The following KCNIP4 variants were observed in gnomAD, a reference collection of about 807,000 sequenced individuals.
The protein encoded by KCNIP4 is potassium voltage-gated channel interacting protein 4, also known as Kv channel-interacting protein 4.
KCNIP4 carries 12 observed loss-of-function variants against 34.0 expected under a neutral mutation model. That is an observed-to-expected ratio of 0.35 (90% confidence interval 0.23 to 0.57). KCNIP4 has a LOEUF of 0.57. Ranked by LOEUF, KCNIP4 falls within the 20% of genes least tolerant of loss-of-function variation. KCNIP4 has a pLI of 0.83. For missense variants in KCNIP4, 238 were observed against 311.7 expected (o/e 0.76, Z 1.78); for synonymous variants, 124 against 102.2 (o/e 1.21, Z -1.29).
At chr4:21,296,258 A>AC (rs1221657946) in intron 1 of KCNIP4, among the ~76,000 whole-genome samples, 3 of 152,076 alleles carry the variant, frequency 2.0e-5, no homozygotes, top group Non-Finnish European at 4.4e-5. Flanking sequence ...TGCATTAGTA[A>AC]CCATGCTTTG....
At chr4:21,859,171 CA>C (rs1278895697) in intron 1 of KCNIP4, among the ~76,000 whole-genome samples, 1 of 152,152 alleles carries the variant, frequency 6.6e-6, no homozygotes, top group East Asian at 1.9e-4. Flanking sequence ...CAACTTGCCA[CA>C]AGTTGCTGAA....
At chr4:21,228,125 G>A (rs1449455938) in intron 1 of KCNIP4, among the ~76,000 whole-genome samples, 1 of 152,076 alleles carries the variant, frequency 6.6e-6, no homozygotes, top group Non-Finnish European at 1.5e-5. Context: ...ATGTGATTTG[G>A]CTCTGTGTCA....
chr4:21,327,720 T>C (rs1338742081), intron 1 of KCNIP4, among the ~76,000 whole-genome samples: 1 of 152,048 alleles, frequency 6.6e-6, no homozygotes, highest in African/African-American at 2.4e-5. Context: ...CACGTAGGCA[T>C]CCTTTGTTCT....
chr4:20,839,149 A>T (rs1388324), intron 3 of KCNIP4, among the ~76,000 whole-genome samples: 101,293 of 151,832 alleles, frequency 0.67, 34,461 homozygotes, highest in South Asian at 0.8. Flanking sequence ...AACTTTTTTT[A>T]GGGAGGTGAC....
chr4:20,924,076 T>C (rs181662050), intron 1 of KCNIP4, among the ~76,000 whole-genome samples: 2 of 152,334 alleles, frequency 1.3e-5, no homozygotes, highest in Admixed American at 1.3e-4. Context: ...CAGGGATATA[T>C]TAAAATGACT....
intron 1 of KCNIP4, among the ~76,000 whole-genome samples, chr4:21,818,037 C>T (rs908363828): frequency 6.6e-6 from 1 of 152,130 alleles, no homozygotes; most frequent in Non-Finnish European, 1.5e-5. Context: ...TGTACCTACT[C>T]CCTGTTCTTA....
chr4:21,048,470 G>T lies in KCNIP4; in HGVS notation c.62-165761C>A, dbSNP rs1056628542. On this transcript the variant is annotated intron_variant, in intron 1 of 8. Transcript: ENST00000382152. Reference sequence around the variant, plus strand: ...AGATGAGCATATGTACATTTGTTACGCACTATCTCTGTCACATTACCTCAC... The same window carrying T: ...AGATGAGCATATGTACATTTGTTACTCACTATCTCTGTCACATTACCTCAC... Among the ~76,000 whole-genome samples, 10 of 152,090 alleles carry T rather than the reference G, an allele frequency of 6.6e-5. No homozygotes were observed. The East Asian group carries it at 1.9e-3, about 29-fold the overall frequency.
intron 4 of KCNIP4, among the ~76,000 whole-genome samples, chr4:20,757,310 A>AT (rs1754562185): frequency 6.6e-6 from 1 of 152,166 alleles, no homozygotes; most frequent in African/African-American, 2.4e-5. Context: ...CTCCTACAGC[A>AT]GTAATCTTCT....
intron 1 of KCNIP4, among the ~76,000 whole-genome samples, chr4:21,907,661 A>G (rs1728077261): frequency 6.6e-6 from 1 of 152,164 alleles, no homozygotes; most frequent in South Asian, 2.1e-4. Context: ...TTACACTGCA[A>G]TCAGTAGTGT....
chr4:21,115,440 A>G (rs1749598889), intron 1 of KCNIP4, among the ~76,000 whole-genome samples: 1 of 152,226 alleles, frequency 6.6e-6, no homozygotes, highest in Non-Finnish European at 1.5e-5. Context: ...ATGAATAAAT[A>G]AGAGTTCATT....
intron 3 of KCNIP4, among the ~76,000 whole-genome samples, chr4:20,800,206 C>T (rs1714049623): frequency 1.3e-5 from 2 of 152,202 alleles, no homozygotes; most frequent in African/African-American, 2.4e-5. Flanking sequence ...AAGCTGCATA[C>T]AGACTGTATC....
intron 1 of KCNIP4, among the ~76,000 whole-genome samples, chr4:21,814,789 T>C (rs1429882114): frequency 6.6e-6 from 1 of 152,180 alleles, no homozygotes; most frequent in Non-Finnish European, 1.5e-5. Context: ...GGGCAGGTAA[T>C]GTTTCCCCCA....
intron 1 of KCNIP4, among the ~76,000 whole-genome samples, chr4:20,965,047 C>T (rs1734215330): frequency 6.6e-6 from 1 of 152,080 alleles, no homozygotes; most frequent in Non-Finnish European, 1.5e-5. Context: ...GAGAAGGCAA[C>T]ATAAGAATGT....
chr4:21,073,834 T>A (rs923340138), intron 1 of KCNIP4, among the ~76,000 whole-genome samples: 1 of 152,018 alleles, frequency 6.6e-6, no homozygotes, highest in Non-Finnish European at 1.5e-5. Context: ...TTATTGAGAG[T>A]TTTTAGCATG....
chr4:21,595,582 C>A (rs1027434214), intron 1 of KCNIP4, among the ~76,000 whole-genome samples: 1 of 152,014 alleles, frequency 6.6e-6, no homozygotes, highest in African/African-American at 2.4e-5. Flanking sequence ...TTCCACAACG[C>A]TTGAACTAAT....
At chr4:21,890,828 A>C (rs1727049200) in intron 1 of KCNIP4, among the ~76,000 whole-genome samples, 1 of 152,126 alleles carries the variant, frequency 6.6e-6, no homozygotes, top group African/African-American at 2.4e-5. Flanking sequence ...GTGATGGTAC[A>C]ATGTCCAAGA....
At chr4:21,195,386 T>C (rs1326932162) in intron 1 of KCNIP4, among the ~76,000 whole-genome samples, 1 of 152,358 alleles carries the variant, frequency 6.6e-6, no homozygotes, top group Non-Finnish European at 1.5e-5. Flanking sequence ...GGAAAGTTCA[T>C]GTGACCTAGG....
chr4:21,103,324 A>C lies in KCNIP4; in HGVS notation c.62-220615T>G, dbSNP rs545427170. Among the ~76,000 whole-genome samples, 796 of 146,622 alleles carry C rather than the reference A, an allele frequency of 5.4e-3. 7 individuals carry two copies. Among genetic ancestry groups the C allele is most frequent in the African/African-American group, 0.018 (748 of 40,472 alleles). ...TATAACATATATAATATATAATATA[A>C]AATATATATAATATATAATATACAT... On this transcript the variant is annotated intron_variant, in intron 1 of 8. Transcript: ENST00000382152.
At chr4:21,267,223 T>A (rs1187877400) in intron 1 of KCNIP4, among the ~76,000 whole-genome samples, 3 of 152,226 alleles carry the variant, frequency 2.0e-5, no homozygotes, top group Admixed American at 6.5e-5. Flanking sequence ...AGTCCTCTAC[T>A]GTTTAATGTG....
Sources: gnomAD v4.1 joint callset for allele counts (sites outside exome capture counted in the v4.1 genomes callset) on GRCh38, gnomAD v4.1.1 for gene constraint, MANE v1.5 for transcripts, NCBI Gene and HGNC (gene_info 2026-07-23, HGNC 2026-07-21) for gene names.